The following SYTL2 variants were observed in gnomAD, a reference collection of about 807,000 sequenced individuals.
SYTL2 encodes synaptotagmin like 2.
In SYTL2, 165 loss-of-function variants were observed where a neutral mutation model predicts 198.7. The ratio of observed to expected loss-of-function variants is 0.83; its 90% CI spans 0.73 to 0.94. The LOEUF is 0.94. Among genes scored for constraint, SYTL2 ranks in the 40% least tolerant of loss-of-function variants. SYTL2 has a pLI of 0.00. For missense variants in SYTL2, 2,835 were observed against 2,582.8 expected, an observed-to-expected ratio of 1.10 and a Z score of -2.12; for synonymous variants, 966 against 917.7, an observed-to-expected ratio of 1.05 and a Z score of -0.95.
intron 8 of SYTL2, among the ~76,000 whole-genome samples, chr11:85,721,441 G>A (rs1468993201): frequency 6.6e-6 from 1 of 151,976 alleles, no homozygotes; most frequent in African/African-American, 2.4e-5. Flanking sequence ...GACTTTCTGG[G>A]TTTCATGATC....
chr11:85,735,176 T>C (rs1348835333), intron 6 of SYTL2, among the ~76,000 whole-genome samples: 2 of 152,188 alleles, frequency 1.3e-5, no homozygotes, highest in Non-Finnish European at 2.9e-5. Flanking sequence ...TCTGTATCTT[T>C]TGCTCAATAT....
intron 3 of SYTL2, 28 bp from the exon 4 acceptor site, chr11:85,745,800 A>C: frequency 1.3e-6 from 2 of 1,593,316 alleles, no homozygotes; most frequent in African/African-American, 2.7e-5. Context: ...AAAGACAGGA[A>C]GGTTATCTCT....
chr11:85,833,154 GGAAAGAAAGAAAGAAA>G, the SYTL2 span, among the ~76,000 whole-genome samples: 77 of 55,690 alleles, frequency 1.4e-3, 2 homozygotes, highest in African/African-American at 5.4e-3. Context: ...AAGGAAGGAA[GGAAAGAAAGAAAGAAA>G]GAAAGAAAGA....
At chr11:85,804,948 G>A (rs1566043025) in intron 1 of SYTL2, among the ~76,000 whole-genome samples, 1 of 152,148 alleles carries the variant, frequency 6.6e-6, no homozygotes, top group African/African-American at 2.4e-5. Context: ...GTCCTTGGCT[G>A]GTAAGTCTTT....
At chr11:85,736,067 C>T (rs1031590184) in intron 6 of SYTL2, among the ~76,000 whole-genome samples, 1 of 152,220 alleles carries the variant, frequency 6.6e-6, no homozygotes, top group African/African-American at 2.4e-5. Flanking sequence ...CCTGATCAAA[C>T]GCTTTTGGGC....
intron 7 of SYTL2, among the ~76,000 whole-genome samples, chr11:85,731,758 C>T (rs1342472618): frequency 6.6e-6 from 1 of 152,166 alleles, no homozygotes; most frequent in African/African-American, 2.4e-5. Context: ...TAAAGAGCTT[C>T]TTCATAGCAA....
chr11:85,720,835 A>G (rs1393854105), intron 9 of SYTL2, 23 bp downstream of exon 9: 2 of 1,546,946 alleles, frequency 1.3e-6, no homozygotes, highest in Non-Finnish European at 1.8e-6. Context: ...GGGCATGAAC[A>G]GTGAGGCGAA....
chr11:85,849,147 T>C, the SYTL2 span, among the ~76,000 whole-genome samples: 3 of 152,222 alleles, frequency 2.0e-5, no homozygotes, highest in Non-Finnish European at 4.4e-5. Context: ...AGAGAATATT[T>C]TCTTGTAAAT....
At chr11:85,707,186 T>C (rs1374037567) in intron 15 of SYTL2, among the ~76,000 whole-genome samples, 1 of 152,202 alleles carries the variant, frequency 6.6e-6, no homozygotes, top group African/African-American at 2.4e-5. Flanking sequence ...CCAAGTTTCA[T>C]TTGCCTCATC....
At chr11:85,844,737 G>C in the SYTL2 span, among the ~76,000 whole-genome samples, 1 of 152,188 alleles carries the variant, frequency 6.6e-6, no homozygotes, top group Non-Finnish European at 1.5e-5. Flanking sequence ...TTAGGCAAAA[G>C]AAAGATTGAA....
At position 85,757,785 on chromosome 11, in the gene SYTL2, A is replaced by G. The variant is rs879132636; in HGVS notation, c.-60T>C. The G allele has an allele frequency of 3.1e-6, 5 of 1,595,608 alleles. No individual in the cohort carries two copies. Among genetic ancestry groups the G allele is most frequent in the Admixed American group, 3.3e-5 (2 of 59,774 alleles). On this transcript the variant is annotated 5_prime_UTR_variant, in exon 2 of 20. Transcript: ENST00000359152. ...TGTGGCTCAAAATTCTCAGGGCTGA[A>G]CAACTAAGACTGCAACCAGGAAGAT...
chr11:85,727,214 T>A lies in SYTL2; in HGVS notation c.2144A>T (p.Asp715Val). Residue 715 changes from aspartate to valine, a missense_variant, in exon 8 of 20, where the codon GAC (aspartate) becomes GTC (valine). Physicochemically the swap from Asp to Val is radical, Grantham distance 152. Coordinates refer to ENST00000359152, the MANE Select transcript of SYTL2 (RefSeq NM_206927.4). ...TGGTTCTTTGACAACTGTTGAAGAG[T>A]CAAAATTCACTTCTGAGTGTCCTCT... is the stretch of plus-strand genomic sequence containing the variant. ...ENRGHSEVNF[D>V]SSTVVKEPGL... 6.5e-7 allele frequency: 1 copy of A among 1,536,256 alleles called. No individual in the cohort carries two copies. The highest frequency in any genetic ancestry group is 8.7e-7 in the Non-Finnish European group (1 of 1,146,928).
intron 10 of SYTL2, among the ~76,000 whole-genome samples, chr11:85,718,038 T>A (rs904507189): frequency 7.9e-5 from 12 of 152,234 alleles, no homozygotes; most frequent in African/African-American, 2.9e-4. Flanking sequence ...GCTGCATTTA[T>A]ATGGGAAAGC....
chr11:85,843,440 G>A, the SYTL2 span, among the ~76,000 whole-genome samples: 5 of 152,094 alleles, frequency 3.3e-5, no homozygotes, highest in South Asian at 8.3e-4. Context: ...GCTAAGTGGA[G>A]GCTGGTGTCA....
At chr11:85,849,687 T>C in the SYTL2 span, among the ~76,000 whole-genome samples, 333 of 150,290 alleles carry the variant, frequency 2.2e-3, no homozygotes, top group African/African-American at 6.6e-3. Context: ...TTGGTTACTG[T>C]AGCCTTGTAG....
At chr11:85,793,646 C>A (rs2092762691) in intron 1 of SYTL2, among the ~76,000 whole-genome samples, 1 of 152,152 alleles carries the variant, frequency 6.6e-6, no homozygotes, top group African/African-American at 2.4e-5. Flanking sequence ...TATAACCTGT[C>A]CTTAAAAATG....
At chr11:85,833,098 A>AGGAAGGAAG in the SYTL2 span, among the ~76,000 whole-genome samples, 2 of 32,472 alleles carry the variant, frequency 6.2e-5, no homozygotes, top group Non-Finnish European at 6.9e-5. Context: ...AAAGAAAGAA[A>AGGAAGGAAG]GAAGGAAGGA....
intron 13 of SYTL2, among the ~76,000 whole-genome samples, chr11:85,710,890 C>A (rs2086138432): frequency 6.6e-6 from 1 of 151,692 alleles, no homozygotes; most frequent in African/African-American, 2.4e-5. Context: ...CTTACATCAA[C>A]AACAACAAAA....
At chr11:85,849,515 C>T in the SYTL2 span, among the ~76,000 whole-genome samples, 2 of 152,312 alleles carry the variant, frequency 1.3e-5, no homozygotes, top group Admixed American at 6.5e-5. Context: ...ATACGGCTAG[C>T]CAGTTTTCCC....
Sources: allele counts gnomAD v4.1 joint callset (sites outside exome capture counted in the v4.1 genomes callset), GRCh38; gene constraint gnomAD v4.1.1; transcripts MANE v1.5; gene names NCBI Gene and HGNC (gene_info 2026-07-23, HGNC 2026-07-21).